ERCC4: variants seen among roughly 807,000 people sequenced by gnomAD.
ERCC4 encodes the protein DNA repair endonuclease XPF.
In ERCC4, 65 loss-of-function variants were observed where a neutral mutation model predicts 76.9. That is an observed-to-expected ratio of 0.84 (90% CI 0.69 to 1.04). The LOEUF (loss-of-function observed/expected upper bound fraction) is 1.04, where lower values mean the gene tolerates loss of function less well. Ranked by LOEUF, ERCC4 falls within the 50% of genes least tolerant of loss-of-function variation. ERCC4 has a pLI of 0.00. For synonymous variants in ERCC4, 463 were observed against 410.1 expected, an observed-to-expected ratio of 1.13 and a Z score of -1.56; for missense variants, 1,214 against 1,128.2, an observed-to-expected ratio of 1.08 and a Z score of -1.09.
chr16:13,930,156 C>T (rs2032146055), intron 4 of ERCC4, among the ~76,000 whole-genome samples: 1 of 151,910 alleles, frequency 6.6e-6, no homozygotes, highest in South Asian at 2.1e-4. Flanking sequence ...CTTGGTTATA[C>T]CTTATTTTAA....
At chr16:13,940,763 T>C (rs144907255) in intron 9 of ERCC4, among the ~76,000 whole-genome samples, 1 of 152,262 alleles carries the variant, frequency 6.6e-6, no homozygotes, top group East Asian at 1.9e-4. Flanking sequence ...ATAAAAACCT[T>C]ATCAGGGAGA....
chr16:13,932,479 C>A, intron 6 of ERCC4, 194 bp downstream of exon 6: 2 of 617,452 alleles, frequency 3.2e-6, no homozygotes, highest in East Asian at 2.7e-5. Flanking sequence ...TAATGTATGT[C>A]GAAGTATACA....
chr16:13,951,666 G>A lies in ERCC4; in HGVS notation c.*3319G>A, dbSNP rs567578149. Reference sequence around the variant, plus strand: ...TGAAGGGTTAAGTCTAGATTTGGTCGCATTGAAACCCCACAATATAGAATT... The same window carrying A: ...TGAAGGGTTAAGTCTAGATTTGGTCACATTGAAACCCCACAATATAGAATT... On this transcript the variant is annotated 3_prime_UTR_variant, in exon 11 of 11. Coordinates refer to ENST00000311895, the MANE Select transcript of ERCC4 (RefSeq NM_005236.3). 23 of 217,636 alleles carry A rather than the reference G, an allele frequency of 1.1e-4. No individual in the cohort carries two copies. In the South Asian group the frequency reaches 1.1e-3, roughly 11 times the overall value. The allele number at this position is 217,636 out of a possible 1,614,324, so 13.5% of individuals were successfully genotyped here.
At chr16:13,931,760 C>A in intron 5 of ERCC4, 1 of 185,252 alleles carries the variant, frequency 5.4e-6, no homozygotes, top group Non-Finnish European at 1.1e-5. Flanking sequence ...TCCAGTAAAC[C>A]AAAGAAGCTG....
intron 8 of ERCC4, among the ~76,000 whole-genome samples, chr16:13,937,070 C>G (rs984163835): frequency 1.4e-5 from 2 of 147,566 alleles, no homozygotes; most frequent in African/African-American, 5.1e-5. Flanking sequence ...CAGGCATGTG[C>G]CACCATGCTC....
At chr16:13,931,019 A>G (rs2032162833) in intron 5 of ERCC4, 129 bp downstream of exon 5, 5 of 707,550 alleles carry the variant, frequency 7.1e-6, no homozygotes, top group African/African-American at 7.0e-5. Flanking sequence ...ATTATGTTTT[A>G]TGTTCATAGC....
Position 13,949,819 on chromosome 16 carries a change from C to T in ERCC4, c.*1472C>T, listed in dbSNP as rs112742002. On this transcript the variant is annotated 3_prime_UTR_variant, in exon 11 of 11. Coordinates refer to ENST00000311895, the MANE Select transcript of ERCC4 (RefSeq NM_005236.3). ...GGTAGTAAATTTTCTACCTCAGGAG[C>T]TGATATAGACATCAGTTCTGCTAGC... 3.6e-3 allele frequency: 831 copies of T among 232,274 alleles called. 10 individuals are homozygous for T. The highest frequency in any genetic ancestry group is 0.017 in the African/African-American group (773 of 45,392). 14.4% of individuals were successfully genotyped at this position (232,274 alleles called of 1,614,324 possible).
Position 13,926,552 on chromosome 16 carries a change from C to T in ERCC4, c.389-9C>T. 1 of 1,611,464 alleles carries T rather than the reference C, an allele frequency of 6.2e-7. No homozygotes were observed. The highest frequency in any genetic ancestry group is 8.5e-7 in the Non-Finnish European group (1 of 1,177,600). ...GTTCTGTAGTTTAAATTATGTTTCT[C>T]CCCCTCAGGCATCTTGGTGTATAGA... On this transcript the variant is annotated splice_polypyrimidine_tract_variant and intron_variant, in intron 2 of 10. Coordinates refer to ENST00000311895, the MANE Select transcript of ERCC4 (RefSeq NM_005236.3).
At position 13,922,213 on chromosome 16, in the gene ERCC4, T is replaced by G. The variant is rs1174623122; in HGVS notation, c.388+2T>G. The stretch of plus-strand genomic sequence containing the variant: ...GAATACCTTCAGATTTAATTACTGG[T>G]AAGAATTTGAAATCTTATTATTAGT... On this transcript the variant is annotated splice_donor_variant, in intron 2 of 10. Coordinates refer to ENST00000311895, the MANE Select transcript of ERCC4 (RefSeq NM_005236.3). LOFTEE classifies it high-confidence loss of function. 1.3e-6 allele frequency: 2 copies of G among 1,586,244 alleles called. No homozygotes were observed. The highest frequency in any genetic ancestry group is 1.7e-6 in the Non-Finnish European group (2 of 1,156,272).
In ERCC4 at chr16:13,935,475, C is replaced by T. The variant is rs866657450; in HGVS notation, c.1543C>T (p.Arg515Cys). The T allele has an allele frequency of 6.2e-7, 1 of 1,614,120 alleles. No homozygotes were observed. The highest frequency in any genetic ancestry group is 8.5e-7 in the Non-Finnish European group (1 of 1,180,024). Residue 515 changes from arginine to cysteine, a missense_variant, in exon 8 of 11, where the codon CGT (arginine) becomes TGT (cysteine). Physicochemically the swap from Arg to Cys is radical, Grantham distance 180. Transcript: ENST00000311895. Reference protein sequence around the residue: ...EEEGDVEEGYRREISSSPESC... With the variant: ...EEEGDVEEGYCREISSSPESC... ...GGAAGGAGATGTCGAGGAAGGATATCGTCGAGAAATAAGCAGTAGCCCAGA... is the reference window on the plus strand; with the variant it reads ...GGAAGGAGATGTCGAGGAAGGATATTGTCGAGAAATAAGCAGTAGCCCAGA...
At position 13,948,303 on chromosome 16, in the gene ERCC4, A is replaced by T; in HGVS notation, c.2707A>T (p.Thr903Ser). ...CAAACAGCTTTATGATTTCATTCAC[A>T]CCTCTTTTGCAGAAGTCGTATCAAA... is the stretch of plus-strand genomic sequence containing the variant. Reference protein sequence around the residue: ...NAKQLYDFIHTSFAEVVSKGK... With the variant: ...NAKQLYDFIHSSFAEVVSKGK... The change falls in exon 11 of 11, where the codon ACC (threonine) becomes TCC (serine). Residue 903 changes from threonine (T) to serine (S), a missense_variant. By Grantham distance (58) the Thr-to-Ser change is moderately conservative (BLOSUM62 1). Transcript: ENST00000311895. 6.2e-7 allele frequency: 1 copy of T among 1,613,684 alleles called. No individual in the cohort carries two copies. The highest frequency in any genetic ancestry group is 8.5e-7 in the Non-Finnish European group (1 of 1,180,002).
chr16:13,950,442 A>C lies in ERCC4; in HGVS notation c.*2095A>C, dbSNP rs1167343277. 1 of 188,478 alleles carries C rather than the reference A, an allele frequency of 5.3e-6. No homozygotes were observed. The highest frequency in any genetic ancestry group is 6.2e-5 in the Admixed American group (1 of 16,186). The allele number at this position is 188,478 out of a possible 1,614,324, so 11.7% of individuals were successfully genotyped here. A position where few individuals can be genotyped will look rare whatever the true frequency, so the allele number is the denominator to read the frequency against. ...ACTCTGTAAGATGATGTGGAGAGTA[A>C]GGAAAAGGAGAAGAAATAAAAATTA... On this transcript the variant is annotated 3_prime_UTR_variant, in exon 11 of 11. Coordinates refer to ENST00000311895, the MANE Select transcript of ERCC4 (RefSeq NM_005236.3).
chr16:13,949,155 C>T lies in ERCC4; in HGVS notation c.*808C>T, dbSNP rs561265785. ...GTATTTTTAAAGCAAAATGAATTAC[C>T]TGTTTGCAAAAGTTAATGATGAAGG... On this transcript the variant is annotated 3_prime_UTR_variant, in exon 11 of 11. Transcript: ENST00000311895. The T allele has an allele frequency of 8.6e-6, 2 of 233,168 alleles. No homozygotes were observed. The highest frequency in any genetic ancestry group is 4.4e-5 in the African/African-American group (2 of 45,440). The allele number at this position is 233,168 out of a possible 1,614,324, so 14.4% of individuals were successfully genotyped here.
intron 4 of ERCC4, 138 bp downstream of exon 4, chr16:13,928,373 T>G: frequency 1.5e-6 from 1 of 658,686 alleles, no homozygotes; most frequent in South Asian, 1.8e-5. Flanking sequence ...AAACATAGCT[T>G]CTTTGGTTTA....
At position 13,947,986 on chromosome 16, in the gene ERCC4, G is replaced by A. The variant is rs1354794475; in HGVS notation, c.2390G>A (p.Arg797Lys). 14 of 1,613,996 alleles carry A rather than the reference G, an allele frequency of 8.7e-6. No homozygotes were observed. The highest frequency in any genetic ancestry group is 2.7e-5 in the African/African-American group (2 of 74,898). The part of the protein sequence containing the change: ...KLTLLTLHFP[R>K]LRILWCPSPH... ...ACTCTTCTTACACTTCACTTCCCCA[G>A]ACTACGGATTCTCTGGTGCCCCTCT... The change falls in exon 11 of 11, where the codon AGA becomes AAA. Residue 797 changes from arginine to lysine, a missense_variant. By Grantham distance (26) the Arg-to-Lys change is conservative (BLOSUM62 2). Transcript: ENST00000311895.
chr16:13,941,917 G>A (rs377069105), intron 9 of ERCC4, among the ~76,000 whole-genome samples: 2 of 152,120 alleles, frequency 1.3e-5, no homozygotes, highest in South Asian at 2.1e-4. Flanking sequence ...TGTTGTACAC[G>A]GTATTCAAAT....
chr16:13,950,339 A>G lies in ERCC4; in HGVS notation c.*1992A>G, dbSNP rs1328272776. On this transcript the variant is annotated 3_prime_UTR_variant, in exon 11 of 11. Transcript: ENST00000311895. ...TTGATTTATTGGTACTTAACAGTAT[A>G]TATGGATTTTGAACTCTACACAAGG... 5.3e-6 allele frequency: 1 copy of G among 188,400 alleles called. No homozygotes were observed. Among genetic ancestry groups the G allele is most frequent in the East Asian group, 8.5e-5 (1 of 11,714 alleles). The allele number at this position is 188,400 out of a possible 1,614,324, so 11.7% of individuals were successfully genotyped here.
chr16:13,936,769 A>G (rs3136157), intron 8 of ERCC4, among the ~76,000 whole-genome samples: 14 of 152,248 alleles, frequency 9.2e-5, no homozygotes, highest in Admixed American at 4.6e-4. Flanking sequence ...ATTATCATCT[A>G]GGAAGATAAC....
At chr16:13,931,141 G>A in intron 5 of ERCC4, 1 of 502,088 alleles carries the variant, frequency 2.0e-6, no homozygotes, top group Admixed American at 3.3e-5. Context: ...AGAAAAGACT[G>A]TGTGTAGTAC....
Sources: allele counts gnomAD v4.1 joint callset (sites outside exome capture counted in the v4.1 genomes callset), GRCh38; gene constraint gnomAD v4.1.1; transcripts MANE v1.5; gene names NCBI Gene and HGNC (gene_info 2026-07-23, HGNC 2026-07-21).